Variants in NCOA1 observed in about 807,000 individuals in gnomAD.
NCOA1 encodes the protein nuclear receptor coactivator 1, also known as Hin-2 protein.
In NCOA1, 35 loss-of-function variants were observed where a neutral mutation model predicts 150.9. The observed-to-expected ratio is 0.23, with a 90% CI of 0.18 to 0.31. The LOEUF (loss-of-function observed/expected upper bound fraction) is 0.31. Among genes scored for constraint, NCOA1 ranks in the 10% least tolerant of loss-of-function variants. The probability of loss-of-function intolerance (pLI) is 1.00; values close to 1 mark genes in which losing one functional copy is unlikely to be tolerated. For synonymous variants in NCOA1, 590 were observed against 630.0 expected (o/e 0.94, Z 0.95); for missense variants, 1,491 against 1,749.3 (o/e 0.85, Z 2.63).
chr2:24,761,099 C>T (rs1381119868), intron 21 of NCOA1, among the ~76,000 whole-genome samples: 5 of 152,330 alleles, frequency 3.3e-5, no homozygotes, highest in East Asian at 1.9e-4. Context: ...CTGCCCACCT[C>T]GGCCTCCCAA....
chr2:24,495,046 A>T (rs1051651187), intron 1 of NCOA1, among the ~76,000 whole-genome samples: 1 of 150,776 alleles, frequency 6.6e-6, no homozygotes, highest in Non-Finnish European at 1.5e-5. Context: ...CCTAGTGGCA[A>T]CTAGGTACCA....
chr2:24,491,749 C>T (rs1216112301), intron 1 of NCOA1, among the ~76,000 whole-genome samples, 147 bp downstream of exon 1: 1 of 151,416 alleles, frequency 6.6e-6, no homozygotes, highest in Non-Finnish European at 1.5e-5. Context: ...CTCCCACTTC[C>T]CCGAGTTCCC....
chr2:24,565,664 C>A (rs553090522), intron 2 of NCOA1, among the ~76,000 whole-genome samples: 17 of 152,198 alleles, frequency 1.1e-4, no homozygotes, highest in Non-Finnish European at 2.5e-4. Context: ...CTCAGCCTGG[C>A]AGGCTGTGTG....
chr2:24,495,932 T>C (rs528868836), intron 1 of NCOA1, among the ~76,000 whole-genome samples: 5 of 152,352 alleles, frequency 3.3e-5, no homozygotes, highest in South Asian at 4.1e-4. Context: ...AGGTATTTCA[T>C]TAGCGAATTC....
chr2:24,496,049 TCACA>T, intron 1 of NCOA1, among the ~76,000 whole-genome samples: 1 of 152,262 alleles, frequency 6.6e-6, no homozygotes, highest in South Asian at 2.1e-4. Flanking sequence ...GTAATGGGAG[TCACA>T]TTGACTCTGT....
chr2:24,594,223 C>G (rs1270886501), intron 3 of NCOA1, among the ~76,000 whole-genome samples: 1 of 151,860 alleles, frequency 6.6e-6, no homozygotes, highest in East Asian at 1.9e-4. Flanking sequence ...TTTGTGAATT[C>G]AATAAATGGT....
intron 19 of NCOA1, among the ~76,000 whole-genome samples, chr2:24,742,663 T>G (rs1663669599): frequency 1.3e-5 from 2 of 151,374 alleles, no homozygotes; most frequent in African/African-American, 4.9e-5. Context: ...GGTTTCACCA[T>G]GTTGCTCACA....
chr2:24,766,888 GC>G (rs1665093171), intron 22 of NCOA1, among the ~76,000 whole-genome samples: 1 of 152,154 alleles, frequency 6.6e-6, no homozygotes. Context: ...CCCAGAGGAG[GC>G]AGTAACAAAT....
chr2:24,681,540 G>C (rs1201801019), intron 7 of NCOA1, among the ~76,000 whole-genome samples: 1 of 152,098 alleles, frequency 6.6e-6, no homozygotes, highest in African/African-American at 2.4e-5. Flanking sequence ...TGTAACAGTG[G>C]TAACACTTCC....
chr2:24,673,608 T>C (rs1671777686), intron 7 of NCOA1, 145 bp downstream of exon 7: 3 of 514,130 alleles, frequency 5.8e-6, no homozygotes, highest in Admixed American at 4.3e-5. Flanking sequence ...ATGAGAACTA[T>C]TTGACAGTTG....
intron 3 of NCOA1, among the ~76,000 whole-genome samples, chr2:24,597,089 C>T (rs993445273): frequency 1.3e-5 from 2 of 152,092 alleles, no homozygotes; most frequent in African/African-American, 4.8e-5. Context: ...TAATTGGTTT[C>T]CAAGGGTCAA....
chr2:24,636,475 A>G (rs1296951911), intron 3 of NCOA1, among the ~76,000 whole-genome samples: 3 of 152,180 alleles, frequency 2.0e-5, no homozygotes, highest in Admixed American at 1.3e-4. Context: ...TGTATAGTAT[A>G]TTCACCTTGC....
At chr2:24,648,312 C>T (rs570938648) in intron 4 of NCOA1, among the ~76,000 whole-genome samples, 4 of 150,862 alleles carry the variant, frequency 2.7e-5, no homozygotes, top group Middle Eastern at 3.4e-3. Flanking sequence ...CTCACTGTGT[C>T]GCCCAGGCTG....
intron 11 of NCOA1, among the ~76,000 whole-genome samples, chr2:24,700,177 TA>T (rs1048491752): frequency 2.0e-5 from 3 of 149,230 alleles, no homozygotes; most frequent in Non-Finnish European, 4.5e-5. Context: ...ATAATAATAA[TA>T]ATAGTAATAA....
chr2:24,514,285 C>CAAAAAA (rs57412614), intron 1 of NCOA1, among the ~76,000 whole-genome samples: 1 of 32,938 alleles, frequency 3.0e-5, no homozygotes, highest in Non-Finnish European at 5.6e-5. Flanking sequence ...GACTCTGTCT[C>CAAAAAA]AAAAAAAAAA....
At position 24,729,506 on chromosome 2, in the gene NCOA1, T is replaced by A. The variant is rs972521572; in HGVS notation, c.2892T>A (p.Gly964=). 2 of 1,609,514 alleles carry A rather than the reference T, an allele frequency of 1.2e-6. No homozygotes were observed. Among genetic ancestry groups the A allele is most frequent in the Non-Finnish European group, 8.5e-7 (1 of 1,176,638 alleles). The change falls in exon 17 of 23, where the codon GGT becomes GGA. Residue 964 remains glycine (G), a synonymous_variant. Transcript: ENST00000348332. ...TCTGGCTTCTTTTCTAACAGGGGGG[T>A]GGATTAGATGTATTATCAGAGAGAT... ...ALGIDKLVQG[G]GLDVLSERFP...
intron 3 of NCOA1, among the ~76,000 whole-genome samples, chr2:24,631,739 G>A (rs62142309): frequency 6.6e-6 from 1 of 152,136 alleles, no homozygotes; most frequent in African/African-American, 2.4e-5. Context: ...GTGTCAGCTT[G>A]TGTGTACAGA....
intron 3 of NCOA1, among the ~76,000 whole-genome samples, chr2:24,633,059 T>C (rs1669773761): frequency 6.6e-6 from 1 of 152,042 alleles, no homozygotes; most frequent in Non-Finnish European, 1.5e-5. Context: ...CTATGCCACC[T>C]AGAAAACTTG....
intron 22 of NCOA1, among the ~76,000 whole-genome samples, chr2:24,765,667 A>G (rs546606344): frequency 6.6e-6 from 1 of 152,294 alleles, no homozygotes; most frequent in African/African-American, 2.4e-5. Context: ...GAACTGAAGC[A>G]AAAATTATGC....
Sources: allele counts gnomAD v4.1 joint callset (sites outside exome capture counted in the v4.1 genomes callset), GRCh38; gene constraint gnomAD v4.1.1; transcripts MANE v1.5; gene names NCBI Gene and HGNC (gene_info 2026-07-23, HGNC 2026-07-21).